Variants in OLFM3 observed in about 807,000 individuals in gnomAD.
OLFM3 encodes the protein olfactomedin 3, also known as noelin-3.
Under a neutral mutation model 48.6 loss-of-function variants are expected in OLFM3, and 20 were observed. The observed-to-expected ratio is 0.41, with a 90% CI of 0.29 to 0.60. The LOEUF (loss-of-function observed/expected upper bound fraction) is 0.60, where lower values mean the gene tolerates loss of function less well. Ranked by LOEUF, OLFM3 falls within the 20% of genes least tolerant of loss-of-function variation. The pLI is 0.28. For synonymous variants in OLFM3, 222 were observed against 198.1 expected, an observed-to-expected ratio of 1.12 and a Z score of -1.01; for missense variants, 437 against 544.3, an observed-to-expected ratio of 0.80 and a Z score of 1.96.
intron 1 of OLFM3, among the ~76,000 whole-genome samples, chr1:101,842,861 T>A (rs1488225917): frequency 6.6e-6 from 1 of 152,204 alleles, no homozygotes; most frequent in Non-Finnish European, 1.5e-5. Flanking sequence ...CTTATTCATG[T>A]GAGGATTCTT....
chr1:101,905,603 C>T (rs530748069), intron 1 of OLFM3, among the ~76,000 whole-genome samples: 1 of 152,230 alleles, frequency 6.6e-6, no homozygotes, highest in East Asian at 1.9e-4. Flanking sequence ...ATCAAGCTAA[C>T]AGCCAGTTTC....
chr1:101,890,532 A>G (rs1657950977), intron 1 of OLFM3, among the ~76,000 whole-genome samples: 1 of 152,046 alleles, frequency 6.6e-6, no homozygotes, highest in African/African-American at 2.4e-5. Context: ...CAAAGAATAT[A>G]TCAGAGCCAA....
At chr1:101,871,392 T>G (rs1376255928) in intron 1 of OLFM3, among the ~76,000 whole-genome samples, 1 of 152,162 alleles carries the variant, frequency 6.6e-6, no homozygotes, top group Non-Finnish European at 1.5e-5. Context: ...CATTCACTTT[T>G]ACTGTAAACA....
At chr1:101,864,604 T>C (rs559500697) in intron 1 of OLFM3, among the ~76,000 whole-genome samples, 6 of 152,284 alleles carry the variant, frequency 3.9e-5, no homozygotes, top group Admixed American at 1.3e-4. Context: ...ACCCTTCTTG[T>C]TTATAATGCA....
chr1:101,902,961 A>G (rs185143219), intron 1 of OLFM3, among the ~76,000 whole-genome samples: 1 of 152,196 alleles, frequency 6.6e-6, no homozygotes, highest in East Asian at 1.9e-4. Context: ...AATATGAAGA[A>G]TCACCACTGT....
At chr1:101,908,920 C>T (rs1293458972) in intron 1 of OLFM3, among the ~76,000 whole-genome samples, 1 of 152,174 alleles carries the variant, frequency 6.6e-6, no homozygotes, top group East Asian at 1.9e-4. Context: ...GGATTGCAGA[C>T]TTTTGGTTCC....
chr1:101,818,934 G>A (rs1238065884), intron 4 of OLFM3, among the ~76,000 whole-genome samples: 1 of 152,054 alleles, frequency 6.6e-6, no homozygotes, highest in African/African-American at 2.4e-5. Context: ...ATATTGCAAT[G>A]GTCTCCAGAA....
rs138842652 is a variant in OLFM3 at position 101,806,967 on chromosome 1, C to A, written c.593-785G>T. Among the ~76,000 whole-genome samples the A allele has an allele frequency of 7.9e-5, 12 of 151,722 alleles. 1 individual carries two copies. In the East Asian group the frequency reaches 2.3e-3, roughly 30 times the overall value. On this transcript the variant is annotated intron_variant, in intron 4 of 5. Coordinates refer to ENST00000370103, the MANE Select transcript of OLFM3 (RefSeq NM_058170.4). ...AGCTTGGACTTCATAAATTCCAAAG[C>A]CAAAACCAAACAGAAAGCTAGACAT...
At chr1:101,830,568 C>T in intron 3 of OLFM3, 104 bp downstream of exon 3, 1 of 1,204,230 alleles carries the variant, frequency 8.3e-7, no homozygotes, top group Non-Finnish European at 1.2e-6. Flanking sequence ...TTTTACCTTG[C>T]ACATATGGGC....
intron 1 of OLFM3, among the ~76,000 whole-genome samples, chr1:101,980,886 T>C (rs1661089183): frequency 6.6e-6 from 1 of 152,244 alleles, no homozygotes; most frequent in African/African-American, 2.4e-5. Context: ...AACTCAGGCT[T>C]GTCTTTCAAT....
intron 1 of OLFM3, among the ~76,000 whole-genome samples, chr1:101,939,333 G>A (rs1659718452): frequency 6.6e-6 from 1 of 152,084 alleles, no homozygotes; most frequent in Non-Finnish European, 1.5e-5. Flanking sequence ...TATCAGAATG[G>A]TATTTTGAAA....
chr1:101,812,662 C>G (rs557502732), intron 4 of OLFM3: 23 of 985,744 alleles, frequency 2.3e-5, no homozygotes, highest in South Asian at 1.4e-4. Flanking sequence ...TCTAATCCAG[C>G]CTTGCATCTC....
At chr1:101,939,735 A>C (rs769470342) in intron 1 of OLFM3, among the ~76,000 whole-genome samples, 23 of 152,182 alleles carry the variant, frequency 1.5e-4, no homozygotes, top group Admixed American at 3.3e-4. Context: ...GACTGTTTAG[A>C]AAATATGGGC....
chr1:101,889,393 A>G (rs115060085), intron 1 of OLFM3, among the ~76,000 whole-genome samples: 2,074 of 152,272 alleles, frequency 0.014, 51 homozygotes, highest in African/African-American at 0.048. Flanking sequence ...TGAGCAAACT[A>G]TTGAAAGGAC....
chr1:101,967,590 G>GAAAAAAAAAAAAACAA (rs1660650672), intron 1 of OLFM3, among the ~76,000 whole-genome samples: 1 of 44,570 alleles, frequency 2.2e-5, no homozygotes, highest in Non-Finnish European at 3.6e-5. Context: ...CCTAGTCAGT[G>GAAAAAAAAAAAAACAA]AAAAAAAAAA....
rs1205191395 is a variant in OLFM3 at position 101,802,985 on chromosome 1, C to T, written c.*1253G>A. The T allele has an allele frequency of 1.3e-5, 2 of 151,418 alleles. No homozygotes were observed. The highest frequency in any genetic ancestry group is 3.0e-5 in the Non-Finnish European group (2 of 67,622). 9.4% of individuals were successfully genotyped at this position (151,418 alleles called of 1,614,324 possible). A position where few individuals can be genotyped will look rare whatever the true frequency, so the allele number is the denominator to read the frequency against. On this transcript the variant is annotated 3_prime_UTR_variant, in exon 6 of 6. Transcript: ENST00000370103. ...TTCCCTTTTGGTTACATTATTTTTC[C>T]ACATACAGTGAATCAAGGTAACAAG...
At chr1:101,952,508 G>T (rs1660172526) in intron 1 of OLFM3, among the ~76,000 whole-genome samples, 2 of 151,904 alleles carry the variant, frequency 1.3e-5, no homozygotes, top group African/African-American at 4.8e-5. Context: ...GCATCTCTCT[G>T]GGATGAAATA....
chr1:101,825,157 T>C lies in OLFM3; in HGVS notation c.461A>G (p.Lys154Arg). The C allele has an allele frequency of 1.2e-6, 2 of 1,614,084 alleles. No homozygotes were observed. The highest frequency in any genetic ancestry group is 1.7e-6 in the Non-Finnish European group (2 of 1,179,976). The change falls in exon 4 of 6, where the codon AAG becomes AGG. Residue 154 changes from lysine to arginine, a missense_variant. Around this residue, in one of 3 missense-constraint regions of OLFM3, gnomAD observed 314 missense variants for 365.5 expected, o/e 0.86. Coordinates refer to ENST00000370103, the MANE Select transcript of OLFM3 (RefSeq NM_058170.4). ...AGCAGACAGATTCCTTATTTCCTCCTTGAACTGGGTGATTAACTTAGCATC... is the reference window on the plus strand; with the variant it reads ...AGCAGACAGATTCCTTATTTCCTCCCTGAACTGGGTGATTAACTTAGCATC... ...KTDAKLITQFKEEIRNLSAVL... is the reference protein window; with the variant it reads ...KTDAKLITQFREEIRNLSAVL...
chr1:101,942,432 A>G (rs920576123), intron 1 of OLFM3, among the ~76,000 whole-genome samples: 137 of 152,302 alleles, frequency 9.0e-4, no homozygotes, highest in Non-Finnish European at 2.5e-4. Flanking sequence ...TGATATTACT[A>G]AGGGTTTTCT....
Sources: gnomAD v4.1 joint callset for allele counts (sites outside exome capture counted in the v4.1 genomes callset) on GRCh38, gnomAD v4.1.1 for gene constraint, gnomAD v4.1.1 regional missense constraint, MANE v1.5 for transcripts, NCBI Gene and HGNC (gene_info 2026-07-23, HGNC 2026-07-21) for gene names.